RNF157: variants seen among roughly 807,000 people sequenced by gnomAD.
RNF157 encodes the protein ring finger protein 157, also known as E3 ubiquitin ligase RNF157.
Under a neutral mutation model 88.3 loss-of-function variants are expected in RNF157, and 55 were observed. The observed-to-expected ratio is 0.62, with a 90% CI of 0.50 to 0.78. The LOEUF (loss-of-function observed/expected upper bound fraction) is 0.78. Among genes scored for constraint, RNF157 ranks in the 30% least tolerant of loss-of-function variants. The probability of loss-of-function intolerance (pLI) is 0.00; values close to 1 mark genes in which losing one functional copy is unlikely to be tolerated. For missense variants in RNF157, 788 were observed against 860.8 expected, an observed-to-expected ratio of 0.92 and a Z score of 1.06; for synonymous variants, 334 against 341.2, an observed-to-expected ratio of 0.98 and a Z score of 0.23.
At position 76,155,555 on chromosome 17, in the gene RNF157, C is replaced by G; in HGVS notation, c.1698+7G>C. The G allele has an allele frequency of 6.2e-7, 1 of 1,611,550 alleles. No homozygotes were observed. The highest frequency in any genetic ancestry group is 1.3e-5 in the African/African-American group (1 of 74,828). On this transcript the variant is annotated splice_region_variant and intron_variant, in intron 15 of 18. Coordinates refer to ENST00000269391, the MANE Select transcript of RNF157 (RefSeq NM_052916.3). The stretch of plus-strand genomic sequence containing the variant: ...GAAGCCAGGGCGGTTCCCGTCCCTT[C>G]CCTTACCTCTCCTTCTTCTGAGGGG...
rs139604964 is a variant in RNF157, at chr17:76,200,164, C to G, written c.207+12200G>C. ...GGCTGAGGCAGGAGAATGCTGTGAACCTGGGAAGCGGAGCTTGCAGTGAGC... is the reference window on the plus strand; with the variant it reads ...GGCTGAGGCAGGAGAATGCTGTGAAGCTGGGAAGCGGAGCTTGCAGTGAGC... On this transcript the variant is annotated intron_variant, in intron 2 of 18. Coordinates refer to ENST00000269391, the MANE Select transcript of RNF157 (RefSeq NM_052916.3). Among the ~76,000 whole-genome samples the G allele has an allele frequency of 2.0e-3, 297 of 152,168 alleles. 4 individuals carry two copies. Among genetic ancestry groups the G allele is most frequent in the African/African-American group, 6.7e-3 (280 of 41,526 alleles).
At chr17:76,225,893 G>A (rs1418497690) in intron 1 of RNF157, 7 of 1,613,490 alleles carry the variant, frequency 4.3e-6, no homozygotes, top group Non-Finnish European at 5.9e-6. Context: ...GCCAGTGAGA[G>A]CCTCCTGCTC....
At chr17:76,177,695 C>T (rs937993269) in intron 2 of RNF157, among the ~76,000 whole-genome samples, 1 of 152,064 alleles carries the variant, frequency 6.6e-6, no homozygotes, top group Admixed American at 6.5e-5. Flanking sequence ...ACTTCCTCCC[C>T]TCTGAGGCCC....
chr17:76,231,499 C>T (rs1467251077), intron 1 of RNF157, among the ~76,000 whole-genome samples: 1 of 152,116 alleles, frequency 6.6e-6, no homozygotes, highest in Admixed American at 6.6e-5. Flanking sequence ...GATCTCACCA[C>T]GTTGACTGGG....
intron 16 of RNF157, 187 bp from the exon 17 acceptor site, chr17:76,154,515 T>C: frequency 3.3e-6 from 2 of 607,640 alleles, no homozygotes; most frequent in South Asian, 1.9e-5. Flanking sequence ...AGAGGCACCA[T>C]CTGCCTACAG....
chr17:76,225,845 T>C, intron 1 of RNF157: 1 of 1,612,478 alleles, frequency 6.2e-7, no homozygotes, highest in Non-Finnish European at 8.5e-7. Flanking sequence ...TGCCCTCTCT[T>C]TTAGAGCCTC....
intron 2 of RNF157, among the ~76,000 whole-genome samples, chr17:76,183,603 A>C (rs979888386): frequency 6.6e-6 from 1 of 152,134 alleles, no homozygotes; most frequent in African/African-American, 2.4e-5. Flanking sequence ...CTGGGACTAC[A>C]AGCAAGTCAT....
chr17:76,215,478 AAAAAAAGAAAGAAAG>A (rs914002547), intron 1 of RNF157, among the ~76,000 whole-genome samples: 2 of 151,504 alleles, frequency 1.3e-5, no homozygotes, highest in African/African-American at 4.8e-5. Context: ...CTCTAAGAAA[AAAAAAAGAAAGAAAG>A]AAAAAAGAAA....
In RNF157 at chr17:76,154,282, C is replaced by T. The variant is rs1177154251; in HGVS notation, c.1810+1G>A. On this transcript the variant is annotated splice_donor_variant, in intron 17 of 18. Transcript: ENST00000269391. LOFTEE classifies it high-confidence loss of function. ...AAGTAAAGGACCAGATCTTTTACCA[C>T]CTTCCTGCGTGGGTGATCCATCCTC... The T allele has an allele frequency of 1.2e-6, 2 of 1,606,872 alleles. No homozygotes were observed. The highest frequency in any genetic ancestry group is 1.7e-6 in the Non-Finnish European group (2 of 1,173,450).
chr17:76,207,283 T>C (rs1240102831), intron 2 of RNF157, among the ~76,000 whole-genome samples: 1 of 152,088 alleles, frequency 6.6e-6, no homozygotes, highest in Non-Finnish European at 1.5e-5. Flanking sequence ...ATTAGCCCAG[T>C]GTAGTAGCAT....
At chr17:76,173,912 T>A in intron 2 of RNF157, 122 bp from the exon 3 acceptor site, 1 of 762,284 alleles carries the variant, frequency 1.3e-6, no homozygotes, top group Non-Finnish European at 2.2e-6. Flanking sequence ...CTCTCCTAAT[T>A]AAGTGAGGAA....
intron 2 of RNF157, among the ~76,000 whole-genome samples, chr17:76,205,120 C>CTT (rs2069657603): frequency 6.6e-6 from 1 of 151,342 alleles, no homozygotes; most frequent in East Asian, 1.9e-4. Flanking sequence ...TCCCTCCCTT[C>CTT]CTCTTTTCTT....
At chr17:76,177,585 G>A (rs2069125243) in intron 2 of RNF157, among the ~76,000 whole-genome samples, 1 of 152,086 alleles carries the variant, frequency 6.6e-6, no homozygotes. Flanking sequence ...GGGAGGACGT[G>A]AAGGCTGGGG....
intron 1 of RNF157, among the ~76,000 whole-genome samples, chr17:76,230,970 A>G (rs1276412350): frequency 6.8e-6 from 1 of 147,772 alleles, no homozygotes; most frequent in Non-Finnish European, 1.5e-5. Flanking sequence ...TTAGGGTCTC[A>G]CTCTATCACT....
rs150150989 is a variant in RNF157, at chr17:76,212,396, C to T, written c.175G>A (p.Asp59Asn). ...GGTCTGTTCCCCAGAAAGTTCAGATCGCTGTTCTCTCCAAACAGGTAACCT... is the reference window on the plus strand; with the variant it reads ...GGTCTGTTCCCCAGAAAGTTCAGATTGCTGTTCTCTCCAAACAGGTAACCT... ...PEGYLFGENS[D>N]LNFLGNRPVV... Residue 59 changes from aspartate (D) to asparagine (N), a missense_variant, in exon 2 of 19, where the codon GAT becomes AAT. By Grantham distance (23) the Asp-to-Asn change is conservative. Transcript: ENST00000269391. The T allele has an allele frequency of 5.0e-6, 8 of 1,613,664 alleles. No homozygotes were observed. The highest frequency in any genetic ancestry group is 1.6e-4 in the Middle Eastern group (1 of 6,084).
rs552109593 is a variant in RNF157 at position 76,161,524 on chromosome 17, G to C, written c.1065+11C>G. 1 of 1,605,094 alleles carries C rather than the reference G, an allele frequency of 6.2e-7. No individual in the cohort carries two copies. The highest frequency in any genetic ancestry group is 2.2e-5 in the East Asian group (1 of 44,842). On this transcript the variant is annotated intron_variant, in intron 11 of 18. Coordinates refer to ENST00000269391, the MANE Select transcript of RNF157 (RefSeq NM_052916.3). This position sits in a 1 kb window ranked among gnomAD's most constrained non-coding sequence, Gnocchi z 4.6. ...TGCTTCAGAGGGGCCGTGGTTCCGA[G>C]CCCAACTTACTGGATGCTCTTCAGA...
intron 15 of RNF157, 86 bp from the exon 16 acceptor site, chr17:76,155,403 C>G (rs1291671649): frequency 1.1e-5 from 17 of 1,487,650 alleles, no homozygotes; most frequent in Non-Finnish European, 1.6e-5. Flanking sequence ...AAATTGGTGT[C>G]AAATAGGAGG....
At chr17:76,172,866 T>TTACAC (rs1157841482) in intron 3 of RNF157, among the ~76,000 whole-genome samples, 1 of 151,646 alleles carries the variant, frequency 6.6e-6, no homozygotes, top group Non-Finnish European at 1.5e-5. Context: ...AGACTAAAAA[T>TTACAC]TACACTGTCT....
chr17:76,207,620 T>A (rs982525846), intron 2 of RNF157, among the ~76,000 whole-genome samples: 5 of 152,204 alleles, frequency 3.3e-5, no homozygotes, highest in Admixed American at 6.5e-5. Context: ...CCATATTCAC[T>A]CTCTCTGCAA....
Sources: allele counts gnomAD v4.1 joint callset (sites outside exome capture counted in the v4.1 genomes callset), GRCh38; gene constraint gnomAD v4.1.1; non-coding constraint Gnocchi (gnomAD v3.1); transcripts MANE v1.5; gene names NCBI Gene and HGNC (gene_info 2026-07-23, HGNC 2026-07-21).